Variants in PCDHGA7 observed in about 807,000 individuals in gnomAD.
PCDHGA7 encodes protocadherin gamma subfamily A, 7.
A neutral mutation model predicts 58.3 loss-of-function variants in PCDHGA7; 44 were observed. The observed-to-expected ratio is 0.75, with a 90% confidence interval of 0.59 to 0.97. The LOEUF (loss-of-function observed/expected upper bound fraction) is 0.97, where lower values mean the gene tolerates loss of function less well. Among genes scored for constraint, PCDHGA7 ranks in the 50% least tolerant of loss-of-function variants. The pLI is 0.00. For synonymous variants in PCDHGA7, 516 were observed against 504.2 expected, an observed-to-expected ratio of 1.02 and a Z score of -0.31; for missense variants, 1,266 against 1,188.7, an observed-to-expected ratio of 1.06 and a Z score of -0.96.
chr5:141,454,948 C>T (rs2098807728), intron 1 of PCDHGA7, among the ~76,000 whole-genome samples: 1 of 151,548 alleles, frequency 6.6e-6, no homozygotes, highest in Non-Finnish European at 1.5e-5. Flanking sequence ...GCTGGGACTA[C>T]AGGCGCCGGC....
Position 141,477,889 on chromosome 5 carries a change from A to T in PCDHGA7, c.2425-16918A>T. 1 of 1,614,152 alleles carries T rather than the reference A, an allele frequency of 6.2e-7. No homozygotes were observed. Among genetic ancestry groups the T allele is most frequent in the Admixed American group, 1.7e-5 (1 of 60,016 alleles). On this transcript the variant is annotated intron_variant, in intron 1 of 3. Coordinates refer to ENST00000518325, the MANE Select transcript of PCDHGA7 (RefSeq NM_018920.4). This position sits in a 1 kb window ranked among gnomAD's most constrained non-coding sequence, Gnocchi z 4.9. The stretch of plus-strand genomic sequence containing the variant: ...GTACCTCAGCTGGCCACCTAGTGTC[A>T]CGGGTGGTAGGCTGGGACGCGGATG...
At chr5:141,424,022 AAC>A (rs1390245883) in intron 1 of PCDHGA7, 1 of 1,046,586 alleles carries the variant, frequency 9.6e-7, no homozygotes, top group Non-Finnish European at 1.2e-6. Flanking sequence ...ATGATTCACA[AAC>A]ACTTTTTATT....
chr5:141,422,472 G>A lies in PCDHGA7; in HGVS notation c.2424+37149G>A, dbSNP rs772474296. On this transcript the variant is annotated intron_variant, in intron 1 of 3. Transcript: ENST00000518325. ...CAAGCAGAGTGCTGGACAGGGAGTTGGTCCAGAGCTACAATATAACGTTGA... is the reference window on the plus strand; with the variant it reads ...CAAGCAGAGTGCTGGACAGGGAGTTAGTCCAGAGCTACAATATAACGTTGA... 75 of 1,613,562 alleles carry A rather than the reference G, an allele frequency of 4.6e-5. 3 individuals are homozygous for A. In the South Asian group the frequency reaches 8.1e-4, roughly 17 times the overall value.
intron 1 of PCDHGA7, chr5:141,414,700 A>G (rs886960965): frequency 6.2e-7 from 1 of 1,613,994 alleles, no homozygotes. Context: ...GTCCTCATAC[A>G]TATCCATCAA....
chr5:141,409,023 A>G, intron 1 of PCDHGA7: 4 of 1,614,044 alleles, frequency 2.5e-6, no homozygotes, highest in Non-Finnish European at 3.4e-6. Flanking sequence ...GAGGGGGTCA[A>G]TGCTGAGATA....
intron 1 of PCDHGA7, among the ~76,000 whole-genome samples, chr5:141,444,872 G>T (rs2098449555): frequency 6.6e-6 from 1 of 152,120 alleles, no homozygotes. Context: ...ACAGGACAAA[G>T]CTTGTAGGAT....
chr5:141,458,619 G>T (rs1393941674), intron 1 of PCDHGA7, among the ~76,000 whole-genome samples: 1 of 152,080 alleles, frequency 6.6e-6, no homozygotes, highest in South Asian at 2.1e-4. Context: ...AGCCAGGCTG[G>T]AGTGCAGTGG....
chr5:141,415,419 C>T (rs2095868053), intron 1 of PCDHGA7: 1 of 1,614,196 alleles, frequency 6.2e-7, no homozygotes, highest in Non-Finnish European at 8.5e-7. Context: ...TGGGCGTGGA[C>T]GGGGTTCGGG....
At position 141,427,886 on chromosome 5, in the gene PCDHGA7, C is replaced by T. The variant is rs908553179; in HGVS notation, c.2424+42563C>T. The T allele has an allele frequency of 1.9e-6, 3 of 1,565,276 alleles. 1 individual carries two copies. On this transcript the variant is annotated intron_variant, in intron 1 of 3. Coordinates refer to ENST00000518325, the MANE Select transcript of PCDHGA7 (RefSeq NM_018920.4). ...TCGAGCTCACGATGCAGGCCCACGA[C>T]CAGGGCTCGCCCGCGCTCAGCGCCA...
chr5:141,430,944 G>C (rs1417018095), intron 1 of PCDHGA7: 1 of 1,609,214 alleles, frequency 6.2e-7, no homozygotes, highest in Non-Finnish European at 8.5e-7. Flanking sequence ...CTCGCGGAGC[G>C]CGGAGTCCGC....
At chr5:141,500,866 A>C (rs576713520) in intron 2 of PCDHGA7, among the ~76,000 whole-genome samples, 1 of 146,112 alleles carries the variant, frequency 6.8e-6, no homozygotes, top group Non-Finnish European at 1.5e-5. Context: ...AAACATACAC[A>C]TTCATTTACA....
intron 1 of PCDHGA7, among the ~76,000 whole-genome samples, chr5:141,438,498 CAT>C (rs2097963931): frequency 6.7e-6 from 1 of 149,704 alleles, no homozygotes; most frequent in African/African-American, 2.5e-5. Context: ...AAAAAAGAAT[CAT>C]AGTGCAAAAC....
chr5:141,481,021 GC>G (rs2099529893), intron 1 of PCDHGA7, among the ~76,000 whole-genome samples: 1 of 152,076 alleles, frequency 6.6e-6, no homozygotes, highest in Non-Finnish European at 1.5e-5. Context: ...TCACACCACT[GC>G]ACTCCAGCCT....
chr5:141,409,345 A>T lies in PCDHGA7; in HGVS notation c.2424+24022A>T, dbSNP rs1012428329. 4 of 1,613,902 alleles carry T rather than the reference A, an allele frequency of 2.5e-6. No individual in the cohort carries two copies. In the African/African-American group the frequency reaches 5.3e-5, roughly 22 times the overall value. ...ATCTGGATTTCGGAGGAAATGGAGAAGTCAGGTGTAATATAGAAACAGACA... is the reference window on the plus strand; with the variant it reads ...ATCTGGATTTCGGAGGAAATGGAGATGTCAGGTGTAATATAGAAACAGACA... On this transcript the variant is annotated intron_variant, in intron 1 of 3. Transcript: ENST00000518325.
intron 1 of PCDHGA7, chr5:141,430,820 G>C (rs1194897001): frequency 6.5e-7 from 1 of 1,541,598 alleles, no homozygotes; most frequent in East Asian, 2.3e-5. Context: ...AATCCTCCTG[G>C]GGACTCTGTG....
chr5:141,447,388 T>C (rs1302757515), intron 1 of PCDHGA7, among the ~76,000 whole-genome samples: 3 of 152,166 alleles, frequency 2.0e-5, no homozygotes, highest in African/African-American at 7.2e-5. Flanking sequence ...TCTGCCCACC[T>C]CGGCCTCCCA....
rs766431596 is a variant in PCDHGA7 at position 141,422,883 on chromosome 5, C to T, written c.2424+37560C>T. The T allele has an allele frequency of 3.7e-6, 6 of 1,614,124 alleles. No homozygotes were observed. The African/African-American group carries it at 4.0e-5, about 11-fold the overall frequency. Reference sequence around the variant, plus strand: ...GCAGCAACGTGTCGCTGAGCCTGTTCGTGCTGGACCAGAACGACAATGCGC... The same window carrying T: ...GCAGCAACGTGTCGCTGAGCCTGTTTGTGCTGGACCAGAACGACAATGCGC... On this transcript the variant is annotated intron_variant, in intron 1 of 3. Transcript: ENST00000518325.
At chr5:141,451,957 A>C (rs1019378263) in intron 1 of PCDHGA7, among the ~76,000 whole-genome samples, 3 of 152,202 alleles carry the variant, frequency 2.0e-5, no homozygotes, top group African/African-American at 7.2e-5. Context: ...AGAAAGTGAC[A>C]TACCATCATT....
chr5:141,394,374 G>C, intron 1 of PCDHGA7: 6 of 1,614,172 alleles, frequency 3.7e-6, no homozygotes, highest in Non-Finnish European at 5.1e-6. Context: ...GCAATCTTTC[G>C]ACTATGAGCA....
Sources: allele counts gnomAD v4.1 joint callset (sites outside exome capture counted in the v4.1 genomes callset), GRCh38; gene constraint gnomAD v4.1.1; non-coding constraint Gnocchi (gnomAD v3.1); transcripts MANE v1.5; gene names NCBI Gene and HGNC (gene_info 2026-07-23, HGNC 2026-07-21).